The following CEP162 variants were observed in gnomAD, a reference collection of about 807,000 sequenced individuals.
The protein encoded by CEP162 is centrosomal protein of 162 kDa.
A neutral mutation model predicts 169.2 loss-of-function variants in CEP162; 141 were observed. That is an observed-to-expected ratio of 0.83 (90% CI 0.73 to 0.96). CEP162 has a LOEUF of 0.96. Among genes scored for constraint, CEP162 ranks in the 40% least tolerant of loss-of-function variants. CEP162 has a pLI of 0.00. For missense variants in CEP162, 1,600 were observed against 1,587.2 expected, an observed-to-expected ratio of 1.01 and a Z score of -0.14; for synonymous variants, 540 against 526.4, an observed-to-expected ratio of 1.03 and a Z score of -0.35.
rs756490203 is a variant in CEP162, at chr6:84,152,623, T to C, written c.3551A>G (p.Glu1184Gly). ...TTCATTCTTCTCTGAAATTAATCCTTCTAGCTCATTTTTTAATCTGTAGTT... is the reference window on the plus strand; with the variant it reads ...TTCATTCTTCTCTGAAATTAATCCTCCTAGCTCATTTTTTAATCTGTAGTT... ...QENYRLKNEL[E>G]GLISEKNELK... The change falls in exon 23 of 27, where the codon GAA (glutamate) becomes GGA (glycine). Residue 1184 changes from glutamate to glycine, a missense_variant. Glu to Gly is a moderately conservative substitution (Grantham distance 98). Coordinates refer to ENST00000403245, the MANE Select transcript of CEP162 (RefSeq NM_014895.4). The C allele has an allele frequency of 6.3e-7, 1 of 1,577,534 alleles. No homozygotes were observed. Among genetic ancestry groups the C allele is most frequent in the East Asian group, 2.3e-5 (1 of 43,592 alleles).
At chr6:84,133,939 C>T (rs752865442) in intron 25 of CEP162, among the ~76,000 whole-genome samples, 5 of 152,180 alleles carry the variant, frequency 3.3e-5, no homozygotes, top group Non-Finnish European at 7.3e-5. Flanking sequence ...TCTTATGAGT[C>T]GCTCATGCTA....
chr6:84,183,310 CCT>C (rs2099535710), intron 13 of CEP162, among the ~76,000 whole-genome samples: 1 of 152,046 alleles, frequency 6.6e-6, no homozygotes, highest in Admixed American at 6.6e-5. Flanking sequence ...TGTGACATTA[CCT>C]CTGTCTTCAT....
intron 17 of CEP162, among the ~76,000 whole-genome samples, chr6:84,170,220 A>G (rs2099529459): frequency 6.6e-6 from 1 of 151,750 alleles, no homozygotes; most frequent in Admixed American, 6.6e-5. Context: ...AAAAAATACA[A>G]AAAATTAGCC....
At chr6:84,180,253 A>G (rs1444897521) in intron 13 of CEP162, among the ~76,000 whole-genome samples, 1 of 152,200 alleles carries the variant, frequency 6.6e-6, no homozygotes. Context: ...CCACATGATT[A>G]TCTCAATAGA....
At chr6:84,163,395 T>C (rs150943852) in intron 18 of CEP162, 125 bp from the exon 19 acceptor site, 1 of 691,850 alleles carries the variant, frequency 1.4e-6, no homozygotes, top group African/African-American at 1.8e-5. Context: ...AGCTCTGATG[T>C]TATTACTACC....
chr6:84,168,935 G>C (rs953616434), intron 18 of CEP162, among the ~76,000 whole-genome samples: 4 of 152,118 alleles, frequency 2.6e-5, no homozygotes, highest in African/African-American at 9.7e-5. Context: ...AACTTTTAAA[G>C]GTAAATAATT....
At chr6:84,127,271 G>A (rs2099509314) in intron 25 of CEP162, among the ~76,000 whole-genome samples, 1 of 152,040 alleles carries the variant, frequency 6.6e-6, no homozygotes. Context: ...AAAATGGATA[G>A]AACTAACAAT....
intron 13 of CEP162, among the ~76,000 whole-genome samples, chr6:84,178,031 T>C (rs2099533108): frequency 6.6e-6 from 1 of 152,228 alleles, no homozygotes; most frequent in South Asian, 2.1e-4. Flanking sequence ...TATTATGATA[T>C]AATATTATTT....
Position 84,174,040 on chromosome 6 carries a change from T to A in CEP162, c.2166+8A>T. The A allele has an allele frequency of 6.2e-7, 1 of 1,603,972 alleles. No homozygotes were observed. Among genetic ancestry groups the A allele is most frequent in the Non-Finnish European group, 8.5e-7 (1 of 1,176,462 alleles). On this transcript the variant is annotated splice_region_variant and intron_variant, in intron 16 of 26. Transcript: ENST00000403245. The stretch of plus-strand genomic sequence containing the variant: ...GTAAATTTGCCATATGTTGAAGAAT[T>A]GCCATACCTGTTGATATCCTTGAAG...
Position 84,213,008 on chromosome 6 carries a change from C to T in CEP162, c.520G>A (p.Glu174Lys). The change falls in exon 6 of 27, where the codon GAA (glutamate) becomes AAA (lysine). Residue 174 changes from glutamate to lysine, a missense_variant. By Grantham distance (56) the Glu-to-Lys change is moderately conservative. Transcript: ENST00000403245. Reference sequence around the variant, plus strand: ...TTCTCATGTTCGTCATCAGTTAGTTCTGCGTTGGCTTGATTACTGGAAAAA... The same window carrying T: ...TTCTCATGTTCGTCATCAGTTAGTTTTGCGTTGGCTTGATTACTGGAAAAA... ...KALHSNQANA[E>K]LTDDEHENES... 1.3e-6 allele frequency: 2 copies of T among 1,548,402 alleles called. No homozygotes were observed. Among genetic ancestry groups the T allele is most frequent in the Non-Finnish European group, 1.7e-6 (2 of 1,143,036 alleles).
intron 3 of CEP162, among the ~76,000 whole-genome samples, chr6:84,220,060 G>A (rs2099553072): frequency 6.6e-6 from 1 of 152,136 alleles, no homozygotes; most frequent in Non-Finnish European, 1.5e-5. Flanking sequence ...GGTGTTTCCA[G>A]GAGATGAGGA....
chr6:84,141,906 C>A (rs1428699160), intron 25 of CEP162, among the ~76,000 whole-genome samples: 1 of 152,048 alleles, frequency 6.6e-6, no homozygotes, highest in Non-Finnish European at 1.5e-5. Flanking sequence ...AAAAAAAATA[C>A]CCTGGATCTT....
At chr6:84,161,645 CTTAA>C (rs1404944766) in intron 20 of CEP162, 97 bp downstream of exon 20, 10 of 837,662 alleles carry the variant, frequency 1.2e-5, no homozygotes, top group African/African-American at 7.0e-5. Flanking sequence ...TAGTTCAGAT[CTTAA>C]TTAATTAATG....
At chr6:84,159,591 GT>G (rs1450828447) in intron 21 of CEP162, among the ~76,000 whole-genome samples, 7 of 61,076 alleles carry the variant, frequency 1.1e-4, no homozygotes, top group Non-Finnish European at 2.2e-4. Flanking sequence ...TTGAGATGGA[GT>G]TTTGCTCCAT....
chr6:84,163,768 C>G (rs1028490656), intron 18 of CEP162, among the ~76,000 whole-genome samples: 34 of 151,840 alleles, frequency 2.2e-4, no homozygotes, highest in African/African-American at 7.3e-4. Context: ...GAATTCGAGA[C>G]CAGTATGGCC....
chr6:84,186,794 AC>A (rs1157297912), intron 11 of CEP162, among the ~76,000 whole-genome samples, 171 bp from the exon 12 acceptor site: 11 of 152,122 alleles, frequency 7.2e-5, no homozygotes, highest in Non-Finnish European at 1.5e-4. Flanking sequence ...CAGTACACTC[AC>A]ATAGTGTAAT....
At chr6:84,224,780 G>A (rs1292009070) in intron 2 of CEP162, among the ~76,000 whole-genome samples, 1 of 152,110 alleles carries the variant, frequency 6.6e-6, no homozygotes, top group Admixed American at 6.5e-5. Flanking sequence ...GTTGGAGAAT[G>A]TGTGTGCTGG....
intron 13 of CEP162, among the ~76,000 whole-genome samples, chr6:84,183,989 G>A (rs776456804): frequency 1.3e-5 from 2 of 151,874 alleles, no homozygotes; most frequent in Non-Finnish European, 2.9e-5. Flanking sequence ...GAGAAAACTG[G>A]AGCTATCACA....
intron 9 of CEP162, among the ~76,000 whole-genome samples, chr6:84,197,032 GGT>G (rs2099542445): frequency 1.3e-5 from 2 of 152,068 alleles, no homozygotes; most frequent in South Asian, 4.1e-4. Context: ...AAAAGCACAC[GGT>G]GTCTTTTTTT....
Sources: gnomAD v4.1 joint callset for allele counts (sites outside exome capture counted in the v4.1 genomes callset) on GRCh38, gnomAD v4.1.1 for gene constraint, MANE v1.5 for transcripts, NCBI Gene and HGNC (gene_info 2026-07-23, HGNC 2026-07-21) for gene names.